The following MCTP1 variants were observed in gnomAD, a reference collection of about 807,000 sequenced individuals.
MCTP1 encodes multiple C2 and transmembrane domain-containing protein 1.
MCTP1 carries 69 observed loss-of-function variants against 120.6 expected under a neutral mutation model. That is an observed-to-expected ratio of 0.57 (90% CI 0.47 to 0.70). MCTP1 has a LOEUF of 0.70. Ranked by LOEUF, MCTP1 falls within the 30% of genes least tolerant of loss-of-function variation. The pLI is 0.00. For synonymous variants in MCTP1, 529 were observed against 493.1 expected (o/e 1.07, Z -0.96); for missense variants, 1,203 against 1,248.8 (o/e 0.96, Z 0.55).
In MCTP1 at chr5:94,710,900, TAAG is replaced by T; in HGVS notation, c.2745_2747del (p.Phe915del). On this transcript the variant is annotated inframe_deletion, in exon 21 of 23. Transcript: ENST00000515393. Reference sequence around the variant, plus strand: ...AGAGGGCTACAATGGCCAGCCAGCTTAAGAATGGGACAGTCCAGTTGAAAGTAC... The same window carrying T: ...AGAGGGCTACAATGGCCAGCCAGCTTAATGGGACAGTCCAGTTGAAAGTAC... 1 of 1,612,710 alleles carries T rather than the reference TAAG, an allele frequency of 6.2e-7. No individual in the cohort carries two copies. The highest frequency in any genetic ancestry group is 8.5e-7 in the Non-Finnish European group (1 of 1,179,138).
chr5:94,737,859 A>G (rs1053389416), intron 19 of MCTP1, among the ~76,000 whole-genome samples: 12 of 152,118 alleles, frequency 7.9e-5, no homozygotes, highest in African/African-American at 2.9e-4. Context: ...TTGTATTTTT[A>G]GTAGAGACGG....
At chr5:95,279,652 C>T (rs1180213417) in intron 1 of MCTP1, among the ~76,000 whole-genome samples, 1 of 152,196 alleles carries the variant, frequency 6.6e-6, no homozygotes, top group Non-Finnish European at 1.5e-5. Flanking sequence ...CTCATAACAT[C>T]TACATGCTAA....
intron 19 of MCTP1, among the ~76,000 whole-genome samples, chr5:94,762,152 C>T (rs1221455579): frequency 1.3e-5 from 2 of 152,174 alleles, no homozygotes; most frequent in African/African-American, 2.4e-5. Flanking sequence ...GTTTGTTATG[C>T]CAAACATGGC....
At chr5:95,251,542 T>A (rs186030593) in intron 1 of MCTP1, among the ~76,000 whole-genome samples, 2 of 152,144 alleles carry the variant, frequency 1.3e-5, no homozygotes, top group Non-Finnish European at 2.9e-5. Flanking sequence ...AGTAACTCCA[T>A]AAATACATGT....
intron 2 of MCTP1, among the ~76,000 whole-genome samples, chr5:95,016,337 G>A (rs1837104884): frequency 6.6e-6 from 1 of 151,962 alleles, no homozygotes; most frequent in African/African-American, 2.4e-5. Context: ...ATATTTGCTA[G>A]TTTTTACTTA....
At chr5:94,948,394 T>G (rs974735669) in intron 3 of MCTP1, among the ~76,000 whole-genome samples, 1 of 152,230 alleles carries the variant, frequency 6.6e-6, no homozygotes, top group African/African-American at 2.4e-5. Flanking sequence ...TAACTTCCCA[T>G]ATTCTTTGCC....
rs540894593 is a variant in MCTP1 at position 95,038,159 on chromosome 5, G to A, written c.721-20675C>T. 2.3e-5 allele frequency: 23 copies of A among 980,040 alleles called. No individual in the cohort carries two copies. The East Asian group carries it at 1.1e-3, about 49-fold the overall frequency. 60.7% of individuals were successfully genotyped at this position (980,040 alleles called of 1,614,324 possible). ...TAGGATCTCATACACTCAGTTGTGC[G>A]AATAGCAAGTTATTCCTTCCAGGTA... On this transcript the variant is annotated intron_variant, in intron 1 of 22. Transcript: ENST00000515393.
rs187590285 is a variant in MCTP1 at position 94,840,060 on chromosome 5, C to T, written c.2436+28273G>A. ...CTGGAAATACAGTTGCATGTGACAC[C>T]ACAGAGGATACAGAGCCCCGTCCTT... On this transcript the variant is annotated intron_variant, in intron 17 of 22. Transcript: ENST00000515393. Among the ~76,000 whole-genome samples the T allele has an allele frequency of 1.2e-3, 187 of 152,152 alleles. 1 individual carries two copies. The highest frequency in any genetic ancestry group is 4.3e-3 in the African/African-American group (179 of 41,498).
rs983674961 is a variant in MCTP1 at position 94,705,995 on chromosome 5, A to G, written c.*1501T>C. The G allele has an allele frequency of 6.6e-6, 1 of 151,756 alleles. No individual in the cohort carries two copies. Among genetic ancestry groups the G allele is most frequent in the African/African-American group, 2.4e-5 (1 of 41,414 alleles). 9.4% of individuals were successfully genotyped at this position (151,756 alleles called of 1,614,324 possible). ...AAATAGTTCTATTATAAGAAATAGT[A>G]TTTAACAACTTATCTCTAAAATAAA... On this transcript the variant is annotated 3_prime_UTR_variant, in exon 23 of 23. Transcript: ENST00000515393.
rs1760566207 is a variant in MCTP1, at chr5:95,284,206, G to C, written c.370C>G (p.Arg124Gly). ...RAEQGSTLRR[R>G]IREHLLPAVK... The stretch of plus-strand genomic sequence containing the variant: ...GCGGGGAGCAAATGCTCGCGGATCC[G>C]GCGGCGTAGCGTGGACCCCTGCTCG... The change falls in exon 1 of 23, where the codon CGG (arginine) becomes GGG (glycine). Residue 124 changes from arginine (R) to glycine (G), a missense_variant. By Grantham distance (125) the Arg-to-Gly change is moderately radical. Around this residue, in one of 2 missense-constraint regions of MCTP1, gnomAD observed 463 missense variants for 377.8 expected, o/e 1.23. Coordinates refer to ENST00000515393, the MANE Select transcript of MCTP1 (RefSeq NM_024717.7). This position sits in a 1 kb window ranked among gnomAD's most constrained non-coding sequence, Gnocchi z 5.2. 3.2e-6 allele frequency: 5 copies of C among 1,564,902 alleles called. No homozygotes were observed. Among genetic ancestry groups the C allele is most frequent in the Non-Finnish European group, 2.6e-6 (3 of 1,159,524 alleles).
chr5:94,947,577 T>TATATAGAG, intron 3 of MCTP1, among the ~76,000 whole-genome samples: 24 of 47,376 alleles, frequency 5.1e-4, no homozygotes, highest in Admixed American at 1.8e-3. Context: ...TATATATATA[T>TATATAGAG]AGAGAGAGAG....
intron 1 of MCTP1, among the ~76,000 whole-genome samples, chr5:95,255,985 A>T (rs1342672219): frequency 6.6e-6 from 1 of 152,196 alleles, no homozygotes; most frequent in African/African-American, 2.4e-5. Flanking sequence ...AAACAGAAGC[A>T]TCGAATGCTC....
intron 1 of MCTP1, among the ~76,000 whole-genome samples, chr5:95,244,388 G>A (rs1204447901): frequency 6.6e-6 from 1 of 152,212 alleles, no homozygotes; most frequent in East Asian, 1.9e-4. Context: ...CACCTCACCC[G>A]GGAAGCACAA....
chr5:94,776,352 A>G (rs1775320514), intron 19 of MCTP1, among the ~76,000 whole-genome samples: 1 of 152,118 alleles, frequency 6.6e-6, no homozygotes, highest in South Asian at 2.1e-4. Flanking sequence ...CTGCTAAGTG[A>G]AAACATATGG....
At chr5:94,937,617 G>A (rs1473175555) in intron 5 of MCTP1, among the ~76,000 whole-genome samples, 1 of 151,934 alleles carries the variant, frequency 6.6e-6, no homozygotes, top group Non-Finnish European at 1.5e-5. Context: ...GGAGACTGAA[G>A]GATTTTTGCA....
chr5:94,999,701 A>G (rs1287312241), intron 2 of MCTP1, among the ~76,000 whole-genome samples: 1 of 152,248 alleles, frequency 6.6e-6, no homozygotes, highest in East Asian at 1.9e-4. Context: ...AATATTACTT[A>G]GGTGTGATAT....
At chr5:95,210,766 G>T (rs543146624) in intron 1 of MCTP1, among the ~76,000 whole-genome samples, 1 of 152,056 alleles carries the variant, frequency 6.6e-6, no homozygotes, top group Non-Finnish European at 1.5e-5. Context: ...TTTCTTCCTA[G>T]TCTCGATGGT....
At chr5:94,956,329 G>C (rs1213418381) in intron 2 of MCTP1, among the ~76,000 whole-genome samples, 2 of 152,040 alleles carry the variant, frequency 1.3e-5, no homozygotes, top group African/African-American at 4.8e-5. Context: ...CAAAAAGGCT[G>C]AAAATTCCAA....
chr5:94,934,737 G>GTTTTTTT (rs3030499), intron 5 of MCTP1, among the ~76,000 whole-genome samples: 1 of 136,586 alleles, frequency 7.3e-6, no homozygotes, highest in South Asian at 2.4e-4. Flanking sequence ...AGATAAAGAA[G>GTTTTTTT]TTTTTTTTTT....
Sources: gnomAD v4.1 joint callset for allele counts (sites outside exome capture counted in the v4.1 genomes callset) on GRCh38, gnomAD v4.1.1 for gene constraint, gnomAD v4.1.1 regional missense constraint, Gnocchi (gnomAD v3.1) non-coding constraint, MANE v1.5 for transcripts, NCBI Gene and HGNC (gene_info 2026-07-23, HGNC 2026-07-21) for gene names.